The following MYH13 variants were observed in gnomAD, a reference collection of about 807,000 sequenced individuals.
MYH13 encodes the protein myosin-13.
In MYH13, 177 loss-of-function variants were observed where a neutral mutation model predicts 232.1. That is an observed-to-expected ratio of 0.76 (90% CI 0.67 to 0.86). The LOEUF is 0.86. Ranked by LOEUF, MYH13 falls within the 40% of genes least tolerant of loss-of-function variation. The pLI is 0.00. For synonymous variants in MYH13, 884 were observed against 923.5 expected (o/e 0.96, Z 0.78); for missense variants, 2,246 against 2,405.9 (o/e 0.93, Z 1.39).
intron 2 of MYH13, among the ~76,000 whole-genome samples, chr17:10,368,694 GAA>G (rs2071856140): frequency 1.3e-5 from 2 of 152,194 alleles, no homozygotes; most frequent in Admixed American, 6.5e-5. Flanking sequence ...GTATTATTGT[GAA>G]AGAGTTTTAG....
Position 10,343,957 on chromosome 17 carries a change from G to C in MYH13, c.1737C>G (p.Phe579Leu), listed in dbSNP as rs771048728. ...CGGTGCCGGCATAGTGCACCAGCGA[G>C]AAGTGAGCCTCAGCCTTGCCTTTGG... ...KPAKGKAEAHFSLVHYAGTVD... is the reference protein window; with the variant it reads ...KPAKGKAEAHLSLVHYAGTVD... The change falls in exon 16 of 41, where the codon TTC becomes TTG. Residue 579 changes from phenylalanine (F) to leucine (L), a missense_variant. By Grantham distance (22) the Phe-to-Leu change is conservative (BLOSUM62 0). Coordinates refer to ENST00000252172, the MANE Select transcript of MYH13 (RefSeq NM_003802.3). 1 of 1,614,256 alleles carries C rather than the reference G, an allele frequency of 6.2e-7. No homozygotes were observed. Among genetic ancestry groups the C allele is most frequent in the Non-Finnish European group, 8.5e-7 (1 of 1,180,048 alleles).
intron 33 of MYH13, 52 bp downstream of exon 33, chr17:10,311,051 T>C (rs1906492261): frequency 1.9e-6 from 3 of 1,607,878 alleles, no homozygotes; most frequent in African/African-American, 2.7e-5. Context: ...GGGCAGCCTC[T>C]TTCAGTTCCC....
rs1355500018 is a variant in MYH13, at chr17:10,355,013, G to A, written c.803-20C>T. On this transcript the variant is annotated intron_variant, in intron 9 of 40. Coordinates refer to ENST00000252172, the MANE Select transcript of MYH13 (RefSeq NM_003802.3). ...ACAGATCTAAGGTAACAAAAATAAC[G>A]TGATTTCAGGCTCCCAAGAGATGCT... is the stretch of plus-strand genomic sequence containing the variant. 1.2e-6 allele frequency: 2 copies of A among 1,609,022 alleles called. No individual in the cohort carries two copies. Among genetic ancestry groups the A allele is most frequent in the South Asian group, 1.1e-5 (1 of 90,896 alleles).
chr17:10,332,703 G>C (rs1907451460), intron 19 of MYH13, among the ~76,000 whole-genome samples: 1 of 152,172 alleles, frequency 6.6e-6, no homozygotes, highest in East Asian at 1.9e-4. Context: ...GATTGTCACA[G>C]CTCAGTGGGG....
chr17:10,322,729 G>A (rs1024460002), intron 23 of MYH13, among the ~76,000 whole-genome samples: 10 of 150,314 alleles, frequency 6.7e-5, no homozygotes, highest in Admixed American at 6.0e-4. Flanking sequence ...CGCCTCCCGG[G>A]TTCACGCCAT....
chr17:10,301,700 C>T lies in MYH13; in HGVS notation c.5671G>A (p.Glu1891Lys), dbSNP rs1284806392. The change falls in exon 40 of 41, where the codon GAG (glutamate) becomes AAG (lysine). Residue 1891 changes from glutamate (E) to lysine (K), a missense_variant. Glu to Lys is a moderately conservative substitution (Grantham distance 56, BLOSUM62 1). Transcript: ENST00000252172. ...SYKRQAEEAE[E>K]QANTQLSRCR... ...CTGGACAGCTGCGTGTTGGCCTGCT[C>T]CTCCTGCACAGGAGACAGAGGGGGT... 4 of 1,613,368 alleles carry T rather than the reference C, an allele frequency of 2.5e-6. No homozygotes were observed. The highest frequency in any genetic ancestry group is 1.1e-5 in the South Asian group (1 of 91,084).
At chr17:10,358,281 G>T (rs564839309) in intron 7 of MYH13, among the ~76,000 whole-genome samples, 1 of 152,192 alleles carries the variant, frequency 6.6e-6, no homozygotes, top group Admixed American at 6.5e-5. Flanking sequence ...TCTCAAAAAG[G>T]TTTTTTATGT....
chr17:10,362,274 T>C lies in MYH13; in HGVS notation c.349A>G (p.Thr117Ala), dbSNP rs778563809. ...GTGACACAGAAGAGGCCTGAGTAGG[T>C]CTGGGAAGATCAGAACATTTATCAT... ...KERYAAWMIY[T>A]YSGLFCVTVN... is the part of the protein sequence containing the mutation. Residue 117 changes from threonine (T) to alanine (A), a missense_variant and splice_region_variant, in exon 5 of 41, where the codon ACC becomes GCC. Thr to Ala is a moderately conservative substitution (Grantham distance 58, BLOSUM62 0). Transcript: ENST00000252172. 2 of 1,613,752 alleles carry C rather than the reference T, an allele frequency of 1.2e-6. No individual in the cohort carries two copies. The highest frequency in any genetic ancestry group is 1.7e-6 in the Non-Finnish European group (2 of 1,179,742).
chr17:10,329,809 C>T (rs1326515434), intron 21 of MYH13, among the ~76,000 whole-genome samples: 1 of 152,068 alleles, frequency 6.6e-6, no homozygotes, highest in Admixed American at 6.6e-5. Flanking sequence ...ATGGTGAAAC[C>T]CCATCTCTAA....
In MYH13 at chr17:10,345,495, A is replaced by G; in HGVS notation, c.1385T>C (p.Leu462Ser). ...KQPRQYFIGV[L>S]DIAGFEIFDF... ...AAAGATCTCAAAGCCAGCAATGTCC[A>G]AGACCCCGATGAAGTACTGCCTGGG... The change falls in exon 14 of 41, where the codon TTG becomes TCG. Residue 462 changes from leucine (L) to serine (S), a missense_variant. Transcript: ENST00000252172. The G allele has an allele frequency of 1.2e-6, 2 of 1,614,216 alleles. No individual in the cohort carries two copies. The highest frequency in any genetic ancestry group is 1.7e-6 in the Non-Finnish European group (2 of 1,180,034).
chr17:10,302,576 C>T (rs761096218), intron 39 of MYH13, among the ~76,000 whole-genome samples: 2 of 152,196 alleles, frequency 1.3e-5, no homozygotes, highest in Non-Finnish European at 2.9e-5. Context: ...AAAGGATAAG[C>T]TCCTCCCCAT....
chr17:10,333,251 GA>G, intron 18 of MYH13, 60 bp from the exon 19 acceptor site: 1 of 1,159,510 alleles, frequency 8.6e-7, no homozygotes, highest in Non-Finnish European at 1.3e-6. Context: ...TTGATGGTCT[GA>G]GGCACCATGA....
chr17:10,368,083 C>T (rs1054864026), intron 2 of MYH13, among the ~76,000 whole-genome samples: 1 of 152,130 alleles, frequency 6.6e-6, no homozygotes, highest in Non-Finnish European at 1.5e-5. Flanking sequence ...TTGGAAAATA[C>T]TGGTTCACTG....
intron 3 of MYH13, 31 bp downstream of exon 3, chr17:10,364,296 A>C: frequency 6.3e-7 from 1 of 1,590,508 alleles, no homozygotes; most frequent in East Asian, 2.2e-5. Flanking sequence ...GCATGCCCAT[A>C]TTATCAAAGA....
At chr17:10,320,117 G>T in intron 26 of MYH13, 36 bp downstream of exon 26, 1 of 1,505,170 alleles carries the variant, frequency 6.6e-7, no homozygotes, top group South Asian at 1.2e-5. Flanking sequence ...TCTTGCAAAG[G>T]GATTGTCATG....
chr17:10,360,170 A>T lies in MYH13; in HGVS notation c.524T>A (p.Ile175Asn). Residue 175 changes from isoleucine (I) to asparagine (N), a missense_variant, in exon 6 of 41, where the codon ATC (isoleucine) becomes AAC (asparagine). Ile to Asn is a moderately radical substitution (Grantham distance 149, BLOSUM62 -3). Transcript: ENST00000252172. ...AAGAGGTGTTACTCACGTGATGAGG[A>T]TAGACTGGTTGTCTCGATCTAGAAA... ...FMLTDRDNQS[I>N]LITGESGAGK... is the part of the protein sequence containing the mutation. The T allele has an allele frequency of 6.2e-7, 1 of 1,614,008 alleles. No homozygotes were observed.
intron 35 of MYH13, among the ~76,000 whole-genome samples, chr17:10,308,562 T>G (rs898712965): frequency 2.9e-4 from 44 of 151,582 alleles, no homozygotes; most frequent in African/African-American, 9.7e-4. Context: ...AATATAATAT[T>G]TATATAATTC....
At chr17:10,371,062 A>G (rs992261208) in intron 2 of MYH13, 147 bp downstream of exon 2, 1 of 152,228 alleles carries the variant, frequency 6.6e-6, no homozygotes, top group Non-Finnish European at 1.5e-5. Flanking sequence ...TATATATTTT[A>G]AAATCTACCT....
rs376404501 is a variant in MYH13 at position 10,343,965 on chromosome 17, C to T, written c.1729G>A (p.Ala577Thr). ...GCATAGTGCACCAGCGAGAAGTGAG[C>T]CTCAGCCTTGCCTTTGGCAGGCTTG... ...KPKPAKGKAEAHFSLVHYAGT... is the reference protein window; with the variant it reads ...KPKPAKGKAETHFSLVHYAGT... The change falls in exon 16 of 41, where the codon GCT becomes ACT. Residue 577 changes from alanine to threonine, a missense_variant. Transcript: ENST00000252172. 2 of 1,614,072 alleles carry T rather than the reference C, an allele frequency of 1.2e-6. No homozygotes were observed. Among genetic ancestry groups the T allele is most frequent in the African/African-American group, 2.7e-5 (2 of 74,918 alleles).
Sources: gnomAD v4.1 joint callset for allele counts (sites outside exome capture counted in the v4.1 genomes callset) on GRCh38, gnomAD v4.1.1 for gene constraint, MANE v1.5 for transcripts, NCBI Gene and HGNC (gene_info 2026-07-23, HGNC 2026-07-21) for gene names.